The following FGF14 variants were observed in gnomAD, a reference collection of about 807,000 sequenced individuals.
The protein encoded by FGF14 is fibroblast growth factor 14, also known as fibroblast growth factor homologous factor 4.
Under a neutral mutation model 25.5 loss-of-function variants are expected in FGF14, and 5 were observed. The ratio of observed to expected loss-of-function variants is 0.20; its 90% CI spans 0.10 to 0.41. The LOEUF is 0.41. FGF14 is among the 10% of genes least tolerant of loss of function. The pLI is 1.00. For missense variants in FGF14, 222 were observed against 320.1 expected (o/e 0.69, Z 2.34); for synonymous variants, 138 against 118.3 (o/e 1.17, Z -1.08).
intron 1 of FGF14, among the ~76,000 whole-genome samples, chr13:102,203,046 C>A (rs760043121): frequency 6.6e-6 from 1 of 152,164 alleles, no homozygotes; most frequent in Non-Finnish European, 1.5e-5. Context: ...GCATGGAAGA[C>A]AGGAAACCCT....
At chr13:101,985,128 T>G (rs1349297980) in intron 1 of FGF14, among the ~76,000 whole-genome samples, 1 of 151,400 alleles carries the variant, frequency 6.6e-6, no homozygotes, top group Non-Finnish European at 1.5e-5. Context: ...TCTCAGAAAT[T>G]AGTTTCAGAA....
intron 1 of FGF14, among the ~76,000 whole-genome samples, chr13:102,319,610 G>A (rs1222212313): frequency 6.6e-6 from 1 of 152,236 alleles, no homozygotes; most frequent in African/African-American, 2.4e-5. Context: ...CAGCTGCGAT[G>A]CCTTACAATT....
chr13:102,194,779 C>T (rs1226974886), intron 1 of FGF14, among the ~76,000 whole-genome samples: 2 of 152,010 alleles, frequency 1.3e-5, no homozygotes, highest in Non-Finnish European at 2.9e-5. Flanking sequence ...TATGTAAGAT[C>T]AACTAAAATT....
chr13:102,326,646 A>AG (rs2056435273), intron 1 of FGF14, among the ~76,000 whole-genome samples: 1 of 116,618 alleles, frequency 8.6e-6, no homozygotes, highest in Non-Finnish European at 1.7e-5. Flanking sequence ...AGGGAAAGGG[A>AG]GGAGAAGGGA....
chr13:101,854,134 C>T (rs945114823), intron 3 of FGF14, among the ~76,000 whole-genome samples: 1 of 152,064 alleles, frequency 6.6e-6, no homozygotes, highest in African/African-American at 2.4e-5. Flanking sequence ...TTGCAGATAT[C>T]TTACAGGTAC....
intron 1 of FGF14, among the ~76,000 whole-genome samples, chr13:102,049,905 G>A (rs1202518468): frequency 6.6e-6 from 1 of 152,080 alleles, no homozygotes; most frequent in Non-Finnish European, 1.5e-5. Flanking sequence ...ATGACTGAAA[G>A]GTACCAACCC....
In FGF14 at chr13:101,712,085, C is replaced by A. The variant is rs1279015596; in HGVS notation, c.*10746G>T. On this transcript the variant is annotated 3_prime_UTR_variant, in exon 5 of 5. Transcript: ENST00000376143. ...TATGGAAGAAAACAGCTAGAGCGTT[C>A]TACAGGAAAAGTGCTATAATAGGTC... The A allele has an allele frequency of 6.6e-6, 1 of 152,176 alleles. No homozygotes were observed. The highest frequency in any genetic ancestry group is 1.5e-5 in the Non-Finnish European group (1 of 68,050). 9.4% of individuals were successfully genotyped at this position (152,176 alleles called of 1,614,324 possible).
At chr13:102,151,374 T>C (rs2047077299) in intron 1 of FGF14, among the ~76,000 whole-genome samples, 2 of 152,174 alleles carry the variant, frequency 1.3e-5, no homozygotes, top group Admixed American at 6.5e-5. Context: ...TTCTCACCTA[T>C]CCTGGTAGGC....
intron 3 of FGF14, among the ~76,000 whole-genome samples, chr13:101,819,339 T>C (rs1318574220): frequency 2.0e-5 from 3 of 152,198 alleles, no homozygotes. Flanking sequence ...AAATAAAATA[T>C]ACTCAACTGA....
intron 1 of FGF14, among the ~76,000 whole-genome samples, chr13:102,117,796 A>T (rs2045542538): frequency 6.6e-6 from 1 of 152,212 alleles, no homozygotes. Context: ...AAAATAAGAA[A>T]AATATGTGTA....
intron 1 of FGF14, among the ~76,000 whole-genome samples, chr13:101,967,068 A>G (rs999392425): frequency 1.3e-5 from 2 of 152,186 alleles, no homozygotes; most frequent in African/African-American, 2.4e-5. Flanking sequence ...TTTGAAAAAC[A>G]GCACAAAGCT....
chr13:102,168,754 T>A (rs2048122611), intron 1 of FGF14, among the ~76,000 whole-genome samples: 1 of 152,130 alleles, frequency 6.6e-6, no homozygotes, highest in South Asian at 2.1e-4. Context: ...AAAACTGATT[T>A]GGGCAGGAAT....
intron 1 of FGF14, among the ~76,000 whole-genome samples, chr13:101,888,925 G>A (rs924625201): frequency 9.2e-5 from 14 of 152,162 alleles, no homozygotes; most frequent in African/African-American, 3.4e-4. Context: ...TGCAGACAGA[G>A]CCCTTAAAGA....
chr13:101,973,350 T>G (rs2037729054), intron 1 of FGF14, among the ~76,000 whole-genome samples: 1 of 152,216 alleles, frequency 6.6e-6, no homozygotes, highest in South Asian at 2.1e-4. Context: ...AAATATTTTA[T>G]GAAATAATGC....
chr13:102,092,025 A>G (rs528745509), intron 1 of FGF14, among the ~76,000 whole-genome samples: 316 of 152,352 alleles, frequency 2.1e-3, no homozygotes, highest in Non-Finnish European at 3.5e-3. Flanking sequence ...ATCATAATAA[A>G]TGCAACAGCT....
chr13:101,833,065 C>CA (rs2042755027), intron 3 of FGF14, among the ~76,000 whole-genome samples: 2 of 152,170 alleles, frequency 1.3e-5, no homozygotes, highest in Non-Finnish European at 2.9e-5. Flanking sequence ...AGAGGTCTAG[C>CA]ATGGGTAGCC....
chr13:102,148,090 G>A (rs1452974322), intron 1 of FGF14, among the ~76,000 whole-genome samples: 1 of 152,086 alleles, frequency 6.6e-6, no homozygotes, highest in African/African-American at 2.4e-5. Flanking sequence ...GGCTATAAGA[G>A]ATAATGTGTC....
chr13:101,749,035 C>T (rs909671803), intron 3 of FGF14, among the ~76,000 whole-genome samples: 9 of 152,024 alleles, frequency 5.9e-5, no homozygotes, highest in African/African-American at 1.7e-4. Flanking sequence ...GAGAACATTA[C>T]GCTAAGTCAA....
chr13:102,206,909 C>T (rs1442253582), intron 1 of FGF14, among the ~76,000 whole-genome samples: 3 of 152,120 alleles, frequency 2.0e-5, no homozygotes, highest in Non-Finnish European at 2.9e-5. Context: ...GGCACTATCT[C>T]ATCTTAAATC....
Sources: gnomAD v4.1 joint callset for allele counts (sites outside exome capture counted in the v4.1 genomes callset) on GRCh38, gnomAD v4.1.1 for gene constraint, MANE v1.5 for transcripts, NCBI Gene and HGNC (gene_info 2026-07-23, HGNC 2026-07-21) for gene names.